The following SLC25A26 variants were observed in gnomAD, a reference collection of about 807,000 sequenced individuals.
SLC25A26 encodes the protein mitochondrial S-adenosylmethionine carrier protein.
A neutral mutation model predicts 37.8 loss-of-function variants in SLC25A26; 36 were observed. The observed-to-expected ratio is 0.95, with a 90% CI of 0.73 to 1.26. The LOEUF (loss-of-function observed/expected upper bound fraction) is 1.26, where lower values mean the gene tolerates loss of function less well. Ranked by LOEUF, SLC25A26 falls within the 50% of genes most tolerant of loss-of-function variation. The pLI, the probability that SLC25A26 is intolerant of heterozygous loss-of-function variation, is 0.00. For missense variants in SLC25A26, 390 were observed against 331.1 expected, an observed-to-expected ratio of 1.18 and a Z score of -1.38; for synonymous variants, 129 against 122.5, an observed-to-expected ratio of 1.05 and a Z score of -0.35.
At chr3:66,159,752 C>T (rs1182662276) in intron 1 of SLC25A26, among the ~76,000 whole-genome samples, 3 of 152,252 alleles carry the variant, frequency 2.0e-5, no homozygotes, top group South Asian at 2.1e-4. Context: ...GATAGCTTCC[C>T]GTGAACAGCA....
At chr3:66,146,075 C>T (rs1053964492) in intron 1 of SLC25A26, among the ~76,000 whole-genome samples, 3 of 152,100 alleles carry the variant, frequency 2.0e-5, no homozygotes, top group African/African-American at 7.2e-5. Flanking sequence ...CGCAGTGGCT[C>T]ACACCTGTAA....
At chr3:66,221,384 C>T (rs578037995) in intron 1 of SLC25A26, among the ~76,000 whole-genome samples, 1 of 152,150 alleles carries the variant, frequency 6.6e-6, no homozygotes, top group Non-Finnish European at 1.5e-5. Flanking sequence ...CCCTCATTTA[C>T]TTAAAAAAGA....
chr3:66,302,973 A>G (rs898422720), intron 5 of SLC25A26, among the ~76,000 whole-genome samples: 1 of 152,170 alleles, frequency 6.6e-6, no homozygotes, highest in Non-Finnish European at 1.5e-5. Flanking sequence ...GATTGTGTCC[A>G]TGGGGACCCC....
chr3:66,347,674 C>T (rs2076357318), intron 6 of SLC25A26, among the ~76,000 whole-genome samples: 1 of 152,154 alleles, frequency 6.6e-6, no homozygotes, highest in Non-Finnish European at 1.5e-5. Flanking sequence ...TACATACATA[C>T]ATATATTCAT....
chr3:66,338,327 C>T (rs563017236), intron 5 of SLC25A26, among the ~76,000 whole-genome samples: 1 of 152,072 alleles, frequency 6.6e-6, no homozygotes, highest in South Asian at 2.1e-4. Context: ...ATTGTCATTG[C>T]TCTTGGATAA....
chr3:66,369,552 G>C lies in SLC25A26; in HGVS notation c.633+10G>C. On this transcript the variant is annotated intron_variant, in intron 8 of 9. Transcript: ENST00000354883. The stretch of plus-strand genomic sequence containing the variant: ...AATTACGCTGGCAAAGGTAAGTGGT[G>C]AAATAATGTAATGGAGATACTTCAG... 6.3e-7 allele frequency: 1 copy of C among 1,585,012 alleles called. No homozygotes were observed. Among genetic ancestry groups the C allele is most frequent in the Non-Finnish European group, 8.6e-7 (1 of 1,163,210 alleles).
chr3:66,312,674 T>C (rs2075415652), intron 5 of SLC25A26, among the ~76,000 whole-genome samples: 1 of 152,126 alleles, frequency 6.6e-6, no homozygotes, highest in Non-Finnish European at 1.5e-5. Context: ...GCGAAGACTG[T>C]GGGAAAAGCA....
intron 3 of SLC25A26, among the ~76,000 whole-genome samples, chr3:66,254,914 C>A (rs1465182043): frequency 2.0e-5 from 3 of 152,128 alleles, no homozygotes; most frequent in African/African-American, 4.8e-5. Context: ...ATTGGGGATA[C>A]TTAGGGACTT....
chr3:66,342,612 C>T (rs535989696), intron 5 of SLC25A26, among the ~76,000 whole-genome samples: 15 of 152,302 alleles, frequency 9.8e-5, no homozygotes, highest in South Asian at 6.2e-4. Context: ...TCTAGTCCTA[C>T]ACTTTGTGAT....
intron 3 of SLC25A26, among the ~76,000 whole-genome samples, chr3:66,261,269 C>T (rs1320782364): frequency 1.3e-5 from 2 of 152,184 alleles, no homozygotes; most frequent in African/African-American, 4.8e-5. Context: ...TACACATCTC[C>T]CTCCCTGTAC....
chr3:66,276,917 ACCT>A (rs910969008), intron 5 of SLC25A26, among the ~76,000 whole-genome samples: 3 of 150,748 alleles, frequency 2.0e-5, no homozygotes, highest in African/African-American at 7.3e-5. Context: ...GGTGGCAAAA[ACCT>A]CAGCATGAAC....
chr3:66,146,085 A>C (rs1372476283), intron 1 of SLC25A26, among the ~76,000 whole-genome samples: 1 of 152,186 alleles, frequency 6.6e-6, no homozygotes, highest in East Asian at 1.9e-4. Flanking sequence ...CACACCTGTA[A>C]TCCCAGCACT....
At chr3:66,136,912 G>C (rs1051798530) in intron 1 of SLC25A26, among the ~76,000 whole-genome samples, 31 of 152,298 alleles carry the variant, frequency 2.0e-4, no homozygotes, top group African/African-American at 7.2e-4. Context: ...TTAACAAAGA[G>C]AGTTGGAGCT....
chr3:66,340,057 C>T (rs984114215), intron 5 of SLC25A26, among the ~76,000 whole-genome samples: 5 of 152,030 alleles, frequency 3.3e-5, no homozygotes, highest in African/African-American at 7.2e-5. Flanking sequence ...GGTCCAGGCT[C>T]ATTCTTTTCC....
chr3:66,291,853 C>G (rs1342664370), intron 5 of SLC25A26, among the ~76,000 whole-genome samples: 1 of 152,120 alleles, frequency 6.6e-6, no homozygotes, highest in Non-Finnish European at 1.5e-5. Flanking sequence ...CCTGAATATC[C>G]TTGTTAATTT....
At chr3:66,216,495 G>A (rs892084951), upstream of SLC25A26, among the ~76,000 whole-genome samples, 1 of 152,006 alleles carries the variant, frequency 6.6e-6, no homozygotes, top group Admixed American at 6.6e-5. Flanking sequence ...TGGGCAACAG[G>A]ACAAGAACCT....
chr3:66,213,116 C>T (rs1457325460), intron 1 of SLC25A26, among the ~76,000 whole-genome samples: 1 of 152,084 alleles, frequency 6.6e-6, no homozygotes, highest in Admixed American at 6.5e-5. Flanking sequence ...AGGCCTGGCG[C>T]AGCCCAGGCG....
intron 1 of SLC25A26, among the ~76,000 whole-genome samples, chr3:66,153,462 C>G (rs1031504566): frequency 5.3e-5 from 8 of 152,228 alleles, no homozygotes; most frequent in Non-Finnish European, 7.3e-5. Context: ...GCTTGACTCC[C>G]TGAAGTATAG....
At chr3:66,234,653 T>G (rs1177566507) in intron 1 of SLC25A26, among the ~76,000 whole-genome samples, 6 of 152,234 alleles carry the variant, frequency 3.9e-5, no homozygotes, top group African/African-American at 9.6e-5. Flanking sequence ...TTAAAGTATT[T>G]CATTTTTCAA....
Sources: allele counts gnomAD v4.1 joint callset (sites outside exome capture counted in the v4.1 genomes callset), GRCh38; gene constraint gnomAD v4.1.1; transcripts MANE v1.5; gene names NCBI Gene and HGNC (gene_info 2026-07-23, HGNC 2026-07-21).